EPS15L1: variants seen among roughly 807,000 people sequenced by gnomAD.
The protein encoded by EPS15L1 is epidermal growth factor receptor pathway substrate 15 like 1.
A neutral mutation model predicts 117.1 loss-of-function variants in EPS15L1; 43 were observed. The ratio of observed to expected loss-of-function variants is 0.37; its 90% confidence interval spans 0.29 to 0.47. EPS15L1 has a LOEUF of 0.47. EPS15L1 is among the 20% of genes least tolerant of loss of function. The pLI is 0.99. For synonymous variants in EPS15L1, 459 were observed against 470.5 expected (o/e 0.98, Z 0.32); for missense variants, 981 against 1,164.0 (o/e 0.84, Z 2.29).
intron 1 of EPS15L1, among the ~76,000 whole-genome samples, chr19:16,459,480 G>A (rs539682768): frequency 6.6e-6 from 1 of 152,300 alleles, no homozygotes; most frequent in East Asian, 1.9e-4. Flanking sequence ...TTAAAGTGTT[G>A]AGGGAGGCAG....
intron 23 of EPS15L1, among the ~76,000 whole-genome samples, chr19:16,359,885 T>C (rs2092029133): frequency 6.7e-6 from 1 of 148,998 alleles, no homozygotes; most frequent in Admixed American, 6.7e-5. Flanking sequence ...ACCAAAAACT[T>C]AGGGAAAAAA....
intron 10 of EPS15L1, among the ~76,000 whole-genome samples, chr19:16,418,581 C>T (rs1414989958): frequency 6.6e-6 from 1 of 152,070 alleles, no homozygotes; most frequent in South Asian, 2.1e-4. Flanking sequence ...GGGGTGTCAT[C>T]ATGATGAAGA....
rs192798082 is a variant in EPS15L1 at position 16,433,268 on chromosome 19, C to T, written c.498+1097G>A. ...TCAGCCTCCCAAGTGTCTGGGATTA[C>T]AGGCGAACACCACCACACCTGGCTA... is the stretch of plus-strand genomic sequence containing the variant. On this transcript the variant is annotated intron_variant, in intron 7 of 23. Transcript: ENST00000455140. Among the ~76,000 whole-genome samples, 16 of 152,168 alleles carry T rather than the reference C, an allele frequency of 1.1e-4. No homozygotes were observed. In the East Asian group the frequency reaches 2.5e-3, roughly 24 times the overall value.
At chr19:16,458,521 T>A (rs2093218232) in intron 1 of EPS15L1, among the ~76,000 whole-genome samples, 2 of 138,244 alleles carry the variant, frequency 1.4e-5, no homozygotes, top group African/African-American at 5.5e-5. Flanking sequence ...CGGCCCTGCC[T>A]TCACCCGCTT....
intron 23 of EPS15L1, among the ~76,000 whole-genome samples, chr19:16,360,078 T>C (rs1219222378): frequency 6.7e-6 from 1 of 148,866 alleles, no homozygotes; most frequent in African/African-American, 2.5e-5. Flanking sequence ...TTTTTTTTTT[T>C]ATGCTTTTCG....
intron 19 of EPS15L1, among the ~76,000 whole-genome samples, chr19:16,388,197 C>T (rs951537037): frequency 6.6e-6 from 1 of 152,090 alleles, no homozygotes; most frequent in East Asian, 1.9e-4. Flanking sequence ...TGTGCACCAC[C>T]ACGCCTGGCT....
chr19:16,367,000 G>A (rs771929203), intron 22 of EPS15L1, among the ~76,000 whole-genome samples: 1 of 152,096 alleles, frequency 6.6e-6, no homozygotes, highest in African/African-American at 2.4e-5. Flanking sequence ...TCCAGGCCCT[G>A]AAGCAAAAGC....
intron 1 of EPS15L1, among the ~76,000 whole-genome samples, chr19:16,448,154 G>A (rs2093102691): frequency 6.6e-6 from 1 of 152,180 alleles, no homozygotes; most frequent in Admixed American, 6.6e-5. Flanking sequence ...CTAGGGCAAA[G>A]CAAAGAGTTC....
rs1037220546 is a variant in EPS15L1 at position 16,370,579 on chromosome 19, A to C, written c.2380+6543T>G. ...TGCACCCCACTGAACACCAGATGAT[A>C]ATCGAGTCACACGACACTCCCTGGA... is the stretch of plus-strand genomic sequence containing the variant. On this transcript the variant is annotated intron_variant, in intron 22 of 23. Coordinates refer to ENST00000455140, the MANE Select transcript of EPS15L1 (RefSeq NM_001258374.3). The surrounding 1 kb of genome is among the most constrained non-coding windows in gnomAD (Gnocchi z 5.2). 6.6e-6 allele frequency among the ~76,000 whole-genome samples: 1 copy of C among 152,114 alleles called. No individual in the cohort carries two copies. Among genetic ancestry groups the C allele is most frequent in the Non-Finnish European group, 1.5e-5 (1 of 68,014 alleles).
At chr19:16,447,799 G>GA (rs1468113887) in intron 1 of EPS15L1, among the ~76,000 whole-genome samples, 4 of 151,620 alleles carry the variant, frequency 2.6e-5, no homozygotes, top group Non-Finnish European at 4.4e-5. Context: ...AAACAATTCT[G>GA]AAAAAGAATA....
chr19:16,469,195 G>A (rs1229720061), intron 1 of EPS15L1, among the ~76,000 whole-genome samples: 1 of 152,112 alleles, frequency 6.6e-6, no homozygotes, highest in African/African-American at 2.4e-5. Flanking sequence ...TAGAAGGCAG[G>A]TTTGAAGTCC....
In EPS15L1 at chr19:16,451,780, C is replaced by T. The variant is rs549924516; in HGVS notation, c.34-9561G>A. Among the ~76,000 whole-genome samples the T allele has an allele frequency of 2.7e-3, 403 of 150,954 alleles. 2 individuals are homozygous for T. Among genetic ancestry groups the T allele is most frequent in the African/African-American group, 9.3e-3 (386 of 41,326 alleles). On this transcript the variant is annotated intron_variant, in intron 1 of 23. Transcript: ENST00000455140. ...TCCTGACCTCGTGATCCACCCGCCT[C>T]GGCCTGCCAGAGTGCTGGGATTACA...
Position 16,435,684 on chromosome 19 carries a change from C to T in EPS15L1, c.373-1194G>A, listed in dbSNP as rs575424480. Among the ~76,000 whole-genome samples the T allele has an allele frequency of 3.3e-5, 5 of 151,302 alleles. No individual in the cohort carries two copies. In the South Asian group the frequency reaches 6.3e-4, roughly 19 times the overall value. ...GGGCCTGGGATCCTCTCCTGGCCAT[C>T]GGACTTGCTGACTCAGTGCCTTCAG... On this transcript the variant is annotated intron_variant, in intron 6 of 23. Transcript: ENST00000455140.
intron 16 of EPS15L1, among the ~76,000 whole-genome samples, chr19:16,396,901 T>TC: frequency 6.6e-6 from 1 of 151,626 alleles, no homozygotes; most frequent in East Asian, 1.9e-4. Flanking sequence ...CCTAGAGTCA[T>TC]CACATTCACA....
intron 22 of EPS15L1, among the ~76,000 whole-genome samples, chr19:16,364,554 G>A (rs940366303): frequency 2.0e-5 from 3 of 152,190 alleles, no homozygotes; most frequent in Non-Finnish European, 4.4e-5. Context: ...TTGAGGAACT[G>A]CCTCACACCC....
chr19:16,413,907 A>C, intron 12 of EPS15L1, 62 bp from the exon 13 acceptor site: 1 of 1,300,364 alleles, frequency 7.7e-7, no homozygotes, highest in Non-Finnish European at 1.1e-6. Flanking sequence ...CCCCTTCCCA[A>C]GGCCTGATTC....
intron 8 of EPS15L1, among the ~76,000 whole-genome samples, 167 bp downstream of exon 8, chr19:16,428,535 G>GTAA (rs1568443566): frequency 8.5e-5 from 2 of 23,592 alleles, no homozygotes; most frequent in African/African-American, 1.5e-4. Context: ...AAGAAAGAAA[G>GTAA]GAAGAAAGAC....
intron 1 of EPS15L1, among the ~76,000 whole-genome samples, chr19:16,453,820 T>C (rs1599676341): frequency 2.0e-5 from 3 of 150,930 alleles, no homozygotes; most frequent in Admixed American, 6.6e-5. Context: ...GTAACAAATA[T>C]GCACATGTAC....
intron 1 of EPS15L1, among the ~76,000 whole-genome samples, chr19:16,470,283 A>G (rs1024626781): frequency 2.6e-5 from 4 of 152,198 alleles, no homozygotes; most frequent in African/African-American, 9.6e-5. Flanking sequence ...GCTACTCAGG[A>G]GGCTGAGGCA....
Sources: allele counts gnomAD v4.1 joint callset (sites outside exome capture counted in the v4.1 genomes callset), GRCh38; gene constraint gnomAD v4.1.1; non-coding constraint Gnocchi (gnomAD v3.1); transcripts MANE v1.5; gene names NCBI Gene and HGNC (gene_info 2026-07-23, HGNC 2026-07-21).